RASSF5: variants seen among roughly 807,000 people sequenced by gnomAD.
RASSF5 encodes Ras association domain family member 5.
In RASSF5, 25 loss-of-function variants were observed where a neutral mutation model predicts 40.5. The observed-to-expected ratio is 0.62, with a 90% CI of 0.45 to 0.86. The LOEUF (loss-of-function observed/expected upper bound fraction) is 0.86, where lower values mean the gene tolerates loss of function less well. RASSF5 is among the 40% of genes least tolerant of loss of function. The pLI is 0.00. For missense variants in RASSF5, 521 were observed against 572.8 expected (o/e 0.91, Z 0.92); for synonymous variants, 246 against 252.4 (o/e 0.97, Z 0.24).
intron 2 of RASSF5, 124 bp downstream of exon 2, chr1:206,538,417 G>A: frequency 7.6e-7 from 1 of 1,308,674 alleles, no homozygotes; most frequent in East Asian, 2.3e-5. Context: ...CACATGCACT[G>A]GATGGAGTTC....
At chr1:206,571,602 A>C (rs576606677) in intron 2 of RASSF5, 4 of 152,360 alleles carry the variant, frequency 2.6e-5, no homozygotes, top group East Asian at 1.9e-4. Flanking sequence ...GAGTCAAAGC[A>C]ATGCTGGAAT....
chr1:206,557,313 C>A (rs71633591), intron 2 of RASSF5: 290,112 of 1,247,800 alleles, frequency 0.23, 34,788 homozygotes, highest in Middle Eastern at 0.39. Flanking sequence ...GCGAGCCGGG[C>A]GCCCGGGGCT....
intron 2 of RASSF5, among the ~76,000 whole-genome samples, chr1:206,581,961 C>A (rs1553406439): frequency 6.6e-6 from 1 of 152,144 alleles, no homozygotes; most frequent in African/African-American, 2.4e-5. Context: ...ACCCAGACAC[C>A]CACAGGACAG....
intron 2 of RASSF5, among the ~76,000 whole-genome samples, chr1:206,575,577 A>T (rs1668610150): frequency 6.6e-6 from 1 of 152,158 alleles, no homozygotes. Flanking sequence ...TCCTGCTGCC[A>T]TTCAGCCATG....
At chr1:206,558,629 C>T (rs1180395727) in intron 2 of RASSF5, among the ~76,000 whole-genome samples, 1 of 152,170 alleles carries the variant, frequency 6.6e-6, no homozygotes, top group Non-Finnish European at 1.5e-5. Flanking sequence ...TCTGAGGCCT[C>T]CTTTGTTAAT....
chr1:206,519,874 G>A (rs1354441868), intron 1 of RASSF5, among the ~76,000 whole-genome samples: 1 of 152,200 alleles, frequency 6.6e-6, no homozygotes, highest in Non-Finnish European at 1.5e-5. Flanking sequence ...TAGCCAGCCT[G>A]AATAATTTAT....
intron 2 of RASSF5, among the ~76,000 whole-genome samples, chr1:206,581,825 C>T (rs185522634): frequency 1.7e-4 from 26 of 151,900 alleles, no homozygotes; most frequent in African/African-American, 6.0e-4. Flanking sequence ...TTCAGGGTGG[C>T]GTGTCTCCCA....
In RASSF5 at chr1:206,560,564, G is replaced by A. The variant is rs1394871287; in HGVS notation, c.579+22271G>A. On this transcript the variant is annotated intron_variant, in intron 2 of 5. Transcript: ENST00000579436. This position sits in a 1 kb window ranked among gnomAD's most constrained non-coding sequence, Gnocchi z 5.1. ...TTGAATCATACCACAGTTTTAGGAG[G>A]CTGAGGCAGTACTCTCCTGGTACTT... is the stretch of plus-strand genomic sequence containing the variant. Among the ~76,000 whole-genome samples the A allele has an allele frequency of 6.6e-6, 1 of 152,198 alleles. No individual in the cohort carries two copies. Among genetic ancestry groups the A allele is most frequent in the East Asian group, 1.9e-4 (1 of 5,194 alleles).
chr1:206,540,215 C>T (rs150774169), intron 2 of RASSF5, among the ~76,000 whole-genome samples: 1 of 152,336 alleles, frequency 6.6e-6, no homozygotes, highest in Non-Finnish European at 1.5e-5. Flanking sequence ...ACTGAGAAAC[C>T]CTGCCCTAGA....
intron 1 of RASSF5, among the ~76,000 whole-genome samples, chr1:206,537,028 G>C (rs573942004): frequency 6.7e-6 from 1 of 150,230 alleles, no homozygotes; most frequent in African/African-American, 2.5e-5. Flanking sequence ...CCCCACCCCC[G>C]CTCCCCTGCC....
chr1:206,549,163 G>C (rs1287318101), intron 2 of RASSF5, among the ~76,000 whole-genome samples: 8 of 152,002 alleles, frequency 5.3e-5, no homozygotes, highest in Admixed American at 2.6e-4. Context: ...ACCATGCCTG[G>C]CCTGTGCTTC....
chr1:206,530,382 A>T (rs1480277435), intron 1 of RASSF5, among the ~76,000 whole-genome samples: 1 of 152,190 alleles, frequency 6.6e-6, no homozygotes, highest in Non-Finnish European at 1.5e-5. Flanking sequence ...TTCCATTTCA[A>T]AATATAATTA....
intron 2 of RASSF5, 117 bp from the exon 3 acceptor site, chr1:206,583,151 AC>A: frequency 1.4e-6 from 1 of 694,040 alleles, no homozygotes; most frequent in Non-Finnish European, 2.6e-6. Flanking sequence ...AGTTAGTTCC[AC>A]TCTGCAGGGC....
Position 206,507,783 on chromosome 1 carries a change from A to C in RASSF5, c.181A>C (p.Ser61Arg). Reference sequence around the variant, plus strand: ...TGCGCCCGGGGCGCGCGAGGGGCGCAGCGCCCGGAGGGCTGCCCGGGGGAA... The same window carrying C: ...TGCGCCCGGGGCGCGCGAGGGGCGCCGCGCCCGGAGGGCTGCCCGGGGGAA... Reference protein sequence around the residue: ...STAPGAREGRSARRAARGNLE... With the variant: ...STAPGAREGRRARRAARGNLE... Residue 61 changes from serine (S) to arginine (R), a missense_variant, in exon 1 of 6, where the codon AGC (serine) becomes CGC (arginine). Ser to Arg is a moderately radical substitution (Grantham distance 110, BLOSUM62 -1). This residue lies in a region of RASSF5 where 237 missense variants were observed against 212.0 expected (regional missense o/e 1.12). Transcript: ENST00000579436. 1.4e-6 allele frequency: 2 copies of C among 1,389,464 alleles called. No homozygotes were observed. Among genetic ancestry groups the C allele is most frequent in the Non-Finnish European group, 9.2e-7 (1 of 1,082,552 alleles). The allele number at this position is 1,389,464 out of a possible 1,614,324, so 86.1% of individuals were successfully genotyped here. A position where few individuals can be genotyped will look rare whatever the true frequency, so the allele number is the denominator to read the frequency against.
At chr1:206,542,754 A>G (rs1316844625) in intron 2 of RASSF5, 1 of 152,252 alleles carries the variant, frequency 6.6e-6, no homozygotes, top group Non-Finnish European at 1.5e-5. Context: ...GACTTATTTT[A>G]TTAAATTTAA....
intron 1 of RASSF5, among the ~76,000 whole-genome samples, chr1:206,514,567 T>C (rs1017107755): frequency 1.2e-4 from 19 of 152,182 alleles, no homozygotes; most frequent in African/African-American, 4.6e-4. Context: ...CAAACATATT[T>C]CCAGGGTGGG....
chr1:206,536,554 G>C (rs1667417049), intron 1 of RASSF5, among the ~76,000 whole-genome samples: 3 of 152,032 alleles, frequency 2.0e-5, no homozygotes. Context: ...GGGAGAGGGG[G>C]GTGTCATTCC....
chr1:206,522,452 C>A (rs1046237916), intron 1 of RASSF5, among the ~76,000 whole-genome samples: 22 of 152,140 alleles, frequency 1.4e-4, no homozygotes, highest in Non-Finnish European at 2.8e-4. Flanking sequence ...GCAGCGTGAG[C>A]GTTTTCTGAT....
intron 2 of RASSF5, among the ~76,000 whole-genome samples, chr1:206,553,513 G>C (rs373642609): frequency 3.8e-4 from 58 of 152,320 alleles, no homozygotes; most frequent in African/African-American, 1.3e-3. Context: ...GCGGACAAGG[G>C]AGGGAATAAC....
Sources: allele counts gnomAD v4.1 joint callset (sites outside exome capture counted in the v4.1 genomes callset), GRCh38; gene constraint gnomAD v4.1.1; regional missense constraint gnomAD v4.1.1; non-coding constraint Gnocchi (gnomAD v3.1); transcripts MANE v1.5; gene names NCBI Gene and HGNC (gene_info 2026-07-23, HGNC 2026-07-21).